The following CCSER1 variants were observed in gnomAD, a reference collection of about 807,000 sequenced individuals.
CCSER1 encodes coiled-coil serine rich protein 1, also known as serine-rich coiled-coil domain-containing protein 1.
Under a neutral mutation model 82.0 loss-of-function variants are expected in CCSER1, and 41 were observed. The observed-to-expected ratio is 0.50, with a 90% CI of 0.39 to 0.65. The LOEUF (loss-of-function observed/expected upper bound fraction) is 0.65, where lower values mean the gene tolerates loss of function less well. Ranked by LOEUF, CCSER1 falls within the 30% of genes least tolerant of loss-of-function variation. The pLI, the probability that CCSER1 is intolerant of heterozygous loss-of-function variation, is 0.00. For missense variants in CCSER1, 1,119 were observed against 1,064.2 expected, an observed-to-expected ratio of 1.05 and a Z score of -0.72; for synonymous variants, 414 against 383.9, an observed-to-expected ratio of 1.08 and a Z score of -0.92.
intron 10 of CCSER1, among the ~76,000 whole-genome samples, chr4:91,501,803 A>G (rs1169060831): frequency 1.5e-4 from 23 of 152,142 alleles, no homozygotes; most frequent in Admixed American, 1.5e-3. Flanking sequence ...GCATGTCATA[A>G]AAGAAACATG....
At chr4:90,326,222 C>A (rs1489813011) in intron 3 of CCSER1, among the ~76,000 whole-genome samples, 1 of 151,970 alleles carries the variant, frequency 6.6e-6, no homozygotes, top group Non-Finnish European at 1.5e-5. Flanking sequence ...CCACGCCCGG[C>A]TAATTTTTTT....
At chr4:90,247,078 G>C (rs1030775587) in intron 1 of CCSER1, among the ~76,000 whole-genome samples, 39 of 152,092 alleles carry the variant, frequency 2.6e-4, no homozygotes, top group African/African-American at 8.9e-4. Flanking sequence ...TGAATCTGTT[G>C]GACAAAGGGA....
chr4:90,504,102 C>G (rs560690823), intron 5 of CCSER1, among the ~76,000 whole-genome samples: 1 of 151,918 alleles, frequency 6.6e-6, no homozygotes, highest in Non-Finnish European at 1.5e-5. Context: ...CTTCTTAAAT[C>G]GATATTTTAA....
intron 8 of CCSER1, among the ~76,000 whole-genome samples, chr4:90,823,669 A>ATGTT (rs2149795837): frequency 6.6e-6 from 1 of 151,804 alleles, no homozygotes; most frequent in South Asian, 2.1e-4. Context: ...TTGGGGGGGG[A>ATGTT]TGTTTGGACA....
intron 8 of CCSER1, among the ~76,000 whole-genome samples, chr4:90,876,230 AAT>A (rs1165540840): frequency 6.6e-6 from 1 of 152,122 alleles, no homozygotes; most frequent in African/African-American, 2.4e-5. Context: ...TTTAGCTAAG[AAT>A]ACTGATAATA....
chr4:91,180,515 G>A (rs1283874832), intron 10 of CCSER1, among the ~76,000 whole-genome samples: 1 of 152,194 alleles, frequency 6.6e-6, no homozygotes, highest in Admixed American at 6.5e-5. Context: ...AATGGCGGAC[G>A]CCCCTTCCCC....
chr4:91,405,216 AC>A (rs1752619890), intron 10 of CCSER1, among the ~76,000 whole-genome samples: 1 of 122,334 alleles, frequency 8.2e-6, no homozygotes, highest in African/African-American at 3.7e-5. Flanking sequence ...TAGGATTGCA[AC>A]CCCTGGTTTT....
In CCSER1 at chr4:91,586,011, G is replaced by A. The variant is rs182316253; in HGVS notation, c.2218-12561G>A. 3.1e-3 allele frequency among the ~76,000 whole-genome samples: 469 copies of A among 151,728 alleles called. 2 individuals are homozygous for A. The highest frequency in any genetic ancestry group is 5.5e-3 in the Non-Finnish European group (374 of 67,748). The stretch of plus-strand genomic sequence containing the variant: ...AGTGGATAAAGTAGTACAAGATAAT[G>A]GTGTTGAACTAGAGGGATGGAGGTG... On this transcript the variant is annotated intron_variant, in intron 10 of 10. Coordinates refer to ENST00000509176, the MANE Select transcript of CCSER1 (RefSeq NM_001145065.2).
chr4:91,528,389 A>G (rs546953391), intron 10 of CCSER1, among the ~76,000 whole-genome samples: 2 of 152,316 alleles, frequency 1.3e-5, no homozygotes, highest in Non-Finnish European at 2.9e-5. Context: ...AAACAAATGT[A>G]TTATCAACAT....
chr4:90,793,318 A>G (rs1248087195), intron 7 of CCSER1, among the ~76,000 whole-genome samples: 1 of 151,972 alleles, frequency 6.6e-6, no homozygotes, highest in African/African-American at 2.4e-5. Context: ...ATTTTTCCTG[A>G]TCCTTTCCCT....
rs1271624915 is a variant in CCSER1 at position 90,604,663 on chromosome 4, G to GCA, written c.1725-23362_1725-23361insCA. 3.3e-5 allele frequency among the ~76,000 whole-genome samples: 5 copies of GCA among 152,202 alleles called. No individual in the cohort carries two copies. The East Asian group carries it at 9.6e-4, about 29-fold the overall frequency. The stretch of plus-strand genomic sequence containing the variant: ...AGGTGGGGTCTTGGAGAACTTTTAT[G>GCA]TCTAGCTAAAGGTTTGTAAATGCAC... On this transcript the variant is annotated intron_variant, in intron 5 of 10. Coordinates refer to ENST00000509176, the MANE Select transcript of CCSER1 (RefSeq NM_001145065.2).
chr4:90,167,417 C>G (rs1028197404), intron 1 of CCSER1, among the ~76,000 whole-genome samples: 2 of 152,114 alleles, frequency 1.3e-5, no homozygotes, highest in South Asian at 2.1e-4. Flanking sequence ...CACACTCATA[C>G]GTAGTCATTA....
At chr4:90,583,171 G>GT (rs1241864983) in intron 5 of CCSER1, among the ~76,000 whole-genome samples, 2 of 151,974 alleles carry the variant, frequency 1.3e-5, no homozygotes, top group Non-Finnish European at 2.9e-5. Context: ...TTGTGGATAT[G>GT]TTTTTTGTTT....
intron 5 of CCSER1, among the ~76,000 whole-genome samples, chr4:90,567,585 C>A (rs1300318065): frequency 6.6e-6 from 1 of 151,092 alleles, no homozygotes; most frequent in East Asian, 1.9e-4. Context: ...CCATTGCACC[C>A]AGCCAGAAAT....
At position 90,759,849 on chromosome 4, in the gene CCSER1, G is replaced by A. The variant is rs182632280; in HGVS notation, c.2010+35858G>A. Among the ~76,000 whole-genome samples, 10 of 151,812 alleles carry A rather than the reference G, an allele frequency of 6.6e-5. No homozygotes were observed. The East Asian group carries it at 1.9e-3, about 29-fold the overall frequency. On this transcript the variant is annotated intron_variant, in intron 7 of 10. Transcript: ENST00000509176. ...CTTTTTAAAAATGACCAAATCAAGA[G>A]CAAAATTATTAATTTCAAAAAATTT...
chr4:90,514,799 A>G (rs1447149131), intron 5 of CCSER1, among the ~76,000 whole-genome samples: 6 of 152,120 alleles, frequency 3.9e-5, no homozygotes, highest in Admixed American at 3.9e-4. Context: ...ATAATAATAT[A>G]TATGATTACA....
intron 4 of CCSER1, among the ~76,000 whole-genome samples, chr4:90,457,939 C>T (rs1165673543): frequency 6.6e-6 from 1 of 152,178 alleles, no homozygotes; most frequent in Non-Finnish European, 1.5e-5. Flanking sequence ...TATCAGCACC[C>T]AATGTCCAGA....
chr4:90,357,174 A>G lies in CCSER1; in HGVS notation c.1510-42862A>G, dbSNP rs539537520. On this transcript the variant is annotated intron_variant, in intron 3 of 10. Transcript: ENST00000509176. Reference sequence around the variant, plus strand: ...GTTATATTACATAACTGTGCAAAATATTACTTAATAATCACTTCTGAGATG... The same window carrying G: ...GTTATATTACATAACTGTGCAAAATGTTACTTAATAATCACTTCTGAGATG... Among the ~76,000 whole-genome samples, 62 of 151,920 alleles carry G rather than the reference A, an allele frequency of 4.1e-4. 1 individual carries two copies. The highest frequency in any genetic ancestry group is 2.2e-4 in the Non-Finnish European group (15 of 67,816).
chr4:90,406,472 A>C (rs185130667), intron 4 of CCSER1, among the ~76,000 whole-genome samples: 1,544 of 152,322 alleles, frequency 0.01, 16 homozygotes, highest in South Asian at 0.03. Context: ...AAGTCAGCAA[A>C]GAAACAATGG....
Sources: allele counts gnomAD v4.1 joint callset (sites outside exome capture counted in the v4.1 genomes callset), GRCh38; gene constraint gnomAD v4.1.1; transcripts MANE v1.5; gene names NCBI Gene and HGNC (gene_info 2026-07-23, HGNC 2026-07-21).